SEMA3F: variants seen among roughly 807,000 people sequenced by gnomAD.
SEMA3F encodes the protein semaphorin 3F.
A neutral mutation model predicts 98.5 loss-of-function variants in SEMA3F; 30 were observed. That is an observed-to-expected ratio of 0.30 (90% confidence interval 0.23 to 0.41). SEMA3F has a LOEUF of 0.41. SEMA3F is among the 10% of genes least tolerant of loss of function. The pLI is 1.00. For synonymous variants in SEMA3F, 380 were observed against 444.8 expected (o/e 0.85, Z 1.83); for missense variants, 866 against 1,119.3 (o/e 0.77, Z 3.23).
At chr3:50,183,831 G>T (rs1484050673) in intron 12 of SEMA3F, among the ~76,000 whole-genome samples, 1 of 152,176 alleles carries the variant, frequency 6.6e-6, no homozygotes, top group East Asian at 1.9e-4. Context: ...TGAAGGTTGG[G>T]GGGAAGCGTC....
At chr3:50,162,970 G>A (rs556150648) in intron 2 of SEMA3F, among the ~76,000 whole-genome samples, 1 of 152,244 alleles carries the variant, frequency 6.6e-6, no homozygotes, top group South Asian at 2.1e-4. Flanking sequence ...ACCTAAAGAG[G>A]GTCTGCCTAG....
chr3:50,159,935 C>T (rs996478555), intron 2 of SEMA3F, among the ~76,000 whole-genome samples: 3 of 152,184 alleles, frequency 2.0e-5, no homozygotes, highest in African/African-American at 7.2e-5. Context: ...AGACACTTAG[C>T]AAAAGAGTCC....
chr3:50,163,078 G>A (rs979177558), intron 2 of SEMA3F, among the ~76,000 whole-genome samples: 1 of 152,216 alleles, frequency 6.6e-6, no homozygotes, highest in Non-Finnish European at 1.5e-5. Context: ...GATGCCTGAG[G>A]CTGTCCCAGG....
At position 50,155,530 on chromosome 3, in the gene SEMA3F, C is replaced by A. The variant is rs542309586; in HGVS notation, c.-83C>A. ...GGGAGCCGCTCCGTGCCGCCGCCGC[C>A]GCCCGGGCGCCCAGGCCCCGCCGCT... is the stretch of plus-strand genomic sequence containing the variant. On this transcript the variant is annotated 5_prime_UTR_variant, in exon 1 of 19. Coordinates refer to ENST00000002829, the MANE Select transcript of SEMA3F (RefSeq NM_004186.5). The surrounding 1 kb of genome is among the most constrained non-coding windows in gnomAD (Gnocchi z 4.9). 2 of 318,386 alleles carry A rather than the reference C, an allele frequency of 6.3e-6. No individual in the cohort carries two copies. The highest frequency in any genetic ancestry group is 1.4e-4 in the South Asian group (1 of 7,112). 19.7% of individuals were successfully genotyped at this position (318,386 alleles called of 1,614,324 possible).
intron 13 of SEMA3F, among the ~76,000 whole-genome samples, chr3:50,185,136 T>C (rs1699159827): frequency 6.6e-6 from 1 of 152,162 alleles, no homozygotes; most frequent in Non-Finnish European, 1.5e-5. Flanking sequence ...TGCTCGTGTG[T>C]GCACACACAT....
chr3:50,163,202 C>G (rs928974117), intron 2 of SEMA3F, among the ~76,000 whole-genome samples: 1 of 152,216 alleles, frequency 6.6e-6, no homozygotes, highest in Non-Finnish European at 1.5e-5. Context: ...TTCCTAGCCT[C>G]GTTTCCCAAA....
chr3:50,160,630 C>T (rs537194791), intron 2 of SEMA3F, among the ~76,000 whole-genome samples: 6 of 152,342 alleles, frequency 3.9e-5, no homozygotes, highest in African/African-American at 7.2e-5. Context: ...CTTGGCCCTC[C>T]TCTGGCCAGA....
At position 50,176,485 on chromosome 3, in the gene SEMA3F, C is replaced by T. The variant is rs1226150876; in HGVS notation, c.550-283C>T. Among the ~76,000 whole-genome samples the T allele has an allele frequency of 2.0e-5, 3 of 152,208 alleles. 1 individual carries two copies. The highest frequency in any genetic ancestry group is 4.1e-4 in the South Asian group (2 of 4,836). Reference sequence around the variant, plus strand: ...GGGCTTCAGCCCCTACAAGCCCACTCCATGTCCATCTCATAGCCCACAAGG... The same window carrying T: ...GGGCTTCAGCCCCTACAAGCCCACTTCATGTCCATCTCATAGCCCACAAGG... On this transcript the variant is annotated intron_variant, in intron 6 of 18. Coordinates refer to ENST00000002829, the MANE Select transcript of SEMA3F (RefSeq NM_004186.5).
At chr3:50,173,607 ACTGCAGC>A (rs1698694380) in intron 2 of SEMA3F, among the ~76,000 whole-genome samples, 179 bp from the exon 3 acceptor site, 1 of 152,216 alleles carries the variant, frequency 6.6e-6, no homozygotes, top group South Asian at 2.1e-4. Context: ...TCGCTACTGT[ACTGCAGC>A]CTGGGCAACA....
At position 50,182,887 on chromosome 3, in the gene SEMA3F, C is replaced by G. The variant is rs771701223; in HGVS notation, c.904-17C>G. 9 of 1,613,222 alleles carry G rather than the reference C, an allele frequency of 5.6e-6. No homozygotes were observed. The African/African-American group carries it at 1.2e-4, about 22-fold the overall frequency. On this transcript the variant is annotated splice_polypyrimidine_tract_variant and intron_variant, in intron 9 of 18. Transcript: ENST00000002829. The surrounding 1 kb of genome is among the most constrained non-coding windows in gnomAD (Gnocchi z 4.5). ...GTCAAGAGCTGATCTGACCCGGCCT[C>G]TTGCCCCACCCCCCAGAACGATGAC...
chr3:50,159,863 G>A, intron 2 of SEMA3F, 129 bp downstream of exon 2: 1 of 668,532 alleles, frequency 1.5e-6, no homozygotes. Flanking sequence ...ATAGGTTGTG[G>A]GGGAGAAGGG....
upstream of SEMA3F, chr3:50,155,165 G>C (rs1023203147): frequency 4.5e-5 from 16 of 354,714 alleles, no homozygotes; most frequent in Non-Finnish European, 7.6e-5. The surrounding 1 kb of genome is among the most constrained non-coding windows in gnomAD (Gnocchi z 4.9). Flanking sequence ...GCGAGGAACC[G>C]TGCAGCCCAG....
Position 50,156,061 on chromosome 3 carries a change from G to T in SEMA3F, c.-49+497G>T, listed in dbSNP as rs1173825395. 6.6e-6 allele frequency: 1 copy of T among 152,246 alleles called. No homozygotes were observed. The highest frequency in any genetic ancestry group is 1.5e-5 in the Non-Finnish European group (1 of 68,054). 9.4% of individuals were successfully genotyped at this position (152,246 alleles called of 1,614,324 possible). On this transcript the variant is annotated intron_variant, in intron 1 of 18. Transcript: ENST00000002829. This position sits in a 1 kb window ranked among gnomAD's most constrained non-coding sequence, Gnocchi z 4.5. Reference sequence around the variant, plus strand: ...GGGGGTCTCCCACATCAGCAGAGTGGGAGGACCTCCAGTCCTGAGGCATTT... The same window carrying T: ...GGGGGTCTCCCACATCAGCAGAGTGTGAGGACCTCCAGTCCTGAGGCATTT...
At chr3:50,159,534 C>T in intron 1 of SEMA3F, 41 bp from the exon 2 acceptor site, 1 of 741,828 alleles carries the variant, frequency 1.3e-6, no homozygotes, top group South Asian at 1.7e-5. Context: ...TTGAACTCCC[C>T]CATCTGCCTC....
chr3:50,169,933 C>G (rs1698538930), intron 2 of SEMA3F, among the ~76,000 whole-genome samples: 4 of 152,182 alleles, frequency 2.6e-5, no homozygotes, highest in Admixed American at 6.5e-5. Context: ...CTTGCCCACC[C>G]CCTGCTCTGA....
intron 7 of SEMA3F, among the ~76,000 whole-genome samples, chr3:50,178,829 CTTTT>C (rs1226887922): frequency 1.3e-5 from 1 of 75,158 alleles, no homozygotes; most frequent in African/African-American, 5.0e-5. Flanking sequence ...AATTCTTTTT[CTTTT>C]TTTTTTTTTT....
At chr3:50,179,375 G>A (rs1315806738) in intron 7 of SEMA3F, among the ~76,000 whole-genome samples, 2 of 150,964 alleles carry the variant, frequency 1.3e-5, no homozygotes, top group Admixed American at 6.6e-5. Flanking sequence ...TCCCAGGCTG[G>A]AGTGCAGTGG....
chr3:50,183,143 C>T (rs373055027), intron 10 of SEMA3F, 43 bp from the exon 11 acceptor site: 111 of 1,596,762 alleles, frequency 7.0e-5, no homozygotes, highest in Non-Finnish European at 9.1e-5. Context: ...CCCAGGGGCT[C>T]CCGCCCATGG....
chr3:50,174,852 C>G (rs1277327528), intron 5 of SEMA3F, among the ~76,000 whole-genome samples: 2 of 152,180 alleles, frequency 1.3e-5, no homozygotes, highest in Admixed American at 6.5e-5. Flanking sequence ...TCCATGTGGG[C>G]ATGTGTGTGA....
Sources: allele counts gnomAD v4.1 joint callset (sites outside exome capture counted in the v4.1 genomes callset), GRCh38; gene constraint gnomAD v4.1.1; non-coding constraint Gnocchi (gnomAD v3.1); transcripts MANE v1.5; gene names NCBI Gene and HGNC (gene_info 2026-07-23, HGNC 2026-07-21).